Variants in MYPN observed in about 807,000 individuals in gnomAD.
MYPN encodes the protein sarcomeric protein myopalladin, 145 kDa (MYOP).
Under a neutral mutation model 129.4 loss-of-function variants are expected in MYPN, and 63 were observed. The ratio of observed to expected loss-of-function variants is 0.49; its 90% CI spans 0.40 to 0.60. The LOEUF (loss-of-function observed/expected upper bound fraction) is 0.60, where lower values mean the gene tolerates loss of function less well. MYPN is among the 20% of genes least tolerant of loss of function. The pLI, the probability that MYPN is intolerant of heterozygous loss-of-function variation, is 0.00. For missense variants in MYPN, 1,596 were observed against 1,635.4 expected (o/e 0.98, Z 0.42); for synonymous variants, 629 against 600.9 (o/e 1.05, Z -0.68).
rs568879266 is a variant in MYPN, at chr10:68,211,371, G to A, written c.*916G>A. On this transcript the variant is annotated 3_prime_UTR_variant, in exon 20 of 20. Transcript: ENST00000358913. ...CTTTCCCCAAAAGTCTGAAAGTGTAGGAGGAAGGAAGAGATACAAACAAGG... is the reference window on the plus strand; with the variant it reads ...CTTTCCCCAAAAGTCTGAAAGTGTAAGAGGAAGGAAGAGATACAAACAAGG... 4.6e-6 allele frequency: 2 copies of A among 436,930 alleles called. No individual in the cohort carries two copies. Among genetic ancestry groups the A allele is most frequent in the East Asian group, 8.3e-5 (1 of 12,026 alleles). The allele number at this position is 436,930 out of a possible 1,614,324, so 27.1% of individuals were successfully genotyped here. A position where few individuals can be genotyped will look rare whatever the true frequency, so the allele number is the denominator to read the frequency against.
chr10:68,096,908 T>C (rs1368902767), intron 1 of MYPN, among the ~76,000 whole-genome samples: 1 of 152,194 alleles, frequency 6.6e-6, no homozygotes, highest in East Asian at 1.9e-4. Context: ...ACAAGAGATA[T>C]ATCAATACGC....
chr10:68,174,823 T>C (rs2043201990), intron 11 of MYPN, among the ~76,000 whole-genome samples, 167 bp downstream of exon 11: 1 of 152,204 alleles, frequency 6.6e-6, no homozygotes, highest in Non-Finnish European at 1.5e-5. Context: ...GGATGATTAC[T>C]TTGAATGATT....
At chr10:68,200,603 C>T (rs919324816) in intron 17 of MYPN, among the ~76,000 whole-genome samples, 4 of 151,970 alleles carry the variant, frequency 2.6e-5, no homozygotes, top group Non-Finnish European at 2.9e-5. Context: ...ACTACAAATA[C>T]AAAAATTAGC....
In MYPN at chr10:68,109,565, A is replaced by G; in HGVS notation, c.-160A>G. On this transcript the variant is annotated 5_prime_UTR_variant, in exon 1 of 20. Transcript: ENST00000358913. ...GCCATCTTCACTGAAACTAAGGTTAACTCCTCACTCTCTATGGACGGCTAC... is the reference window on the plus strand; with the variant it reads ...GCCATCTTCACTGAAACTAAGGTTAGCTCCTCACTCTCTATGGACGGCTAC... 1 of 453,716 alleles carries G rather than the reference A, an allele frequency of 2.2e-6. No individual in the cohort carries two copies. The allele number at this position is 453,716 out of a possible 1,614,324, so 28.1% of individuals were successfully genotyped here. A position where few individuals can be genotyped will look rare whatever the true frequency, so the allele number is the denominator to read the frequency against.
intron 12 of MYPN, among the ~76,000 whole-genome samples, chr10:68,183,554 C>A (rs1234126883): frequency 6.6e-6 from 1 of 152,194 alleles, no homozygotes; most frequent in Non-Finnish European, 1.5e-5. Context: ...GTGTAGTTAG[C>A]CAAGAACTTA....
At chr10:68,106,287 A>AG (rs2042012472), upstream of MYPN, 1 of 379,920 alleles carries the variant, frequency 2.6e-6, no homozygotes, top group South Asian at 2.0e-5. Flanking sequence ...TTGAACTTTT[A>AG]GTTTTTTTTT....
chr10:68,183,962 C>T (rs1486827642), intron 12 of MYPN, among the ~76,000 whole-genome samples: 4 of 152,112 alleles, frequency 2.6e-5, no homozygotes, highest in Admixed American at 2.0e-4. Context: ...GTTGAGGCTA[C>T]AGTGAGCTGT....
At chr10:68,123,352 C>T (rs1014939730) in intron 2 of MYPN, among the ~76,000 whole-genome samples, 4 of 151,736 alleles carry the variant, frequency 2.6e-5, no homozygotes, top group Admixed American at 2.0e-4. Context: ...GCACTCCAGC[C>T]TGGGCTACAG....
At position 68,163,777 on chromosome 10, in the gene MYPN, A is replaced by G. The variant is rs10997964; in HGVS notation, c.1484-1925A>G. Among the ~76,000 whole-genome samples, 630 of 152,350 alleles carry G rather than the reference A, an allele frequency of 4.1e-3. 7 individuals carry two copies. The highest frequency in any genetic ancestry group is 0.014 in the African/African-American group (601 of 41,584). On this transcript the variant is annotated intron_variant, in intron 8 of 19. Coordinates refer to ENST00000358913, the MANE Select transcript of MYPN (RefSeq NM_032578.4). ...ATGCAAATGGTCAGGATCTAGTGCT[A>G]CGTGACTTTTAGTGACAAAGGAAGT...
chr10:68,123,019 C>T (rs372807648), intron 2 of MYPN, among the ~76,000 whole-genome samples: 1 of 151,716 alleles, frequency 6.6e-6, no homozygotes, highest in Non-Finnish European at 1.5e-5. Context: ...ATTTGAAACT[C>T]GGCGTGAATT....
intron 2 of MYPN, among the ~76,000 whole-genome samples, chr10:68,133,462 A>G (rs1441598960): frequency 6.6e-6 from 1 of 152,114 alleles, no homozygotes. Context: ...TAAATATGCA[A>G]TTGGGTACAG....
intron 2 of MYPN, chr10:68,136,546 C>T: frequency 7.0e-7 from 1 of 1,430,106 alleles, no homozygotes; most frequent in Non-Finnish European, 9.1e-7. Context: ...TGCCTAATTT[C>T]TAAGTGGGTC....
intron 12 of MYPN, among the ~76,000 whole-genome samples, chr10:68,179,008 T>C (rs1374882613): frequency 6.6e-6 from 1 of 152,138 alleles, no homozygotes; most frequent in East Asian, 1.9e-4. Flanking sequence ...TTTTAAACTA[T>C]CTGCAGTTTC....
At chr10:68,173,052 A>T (rs1445219765) in intron 10 of MYPN, among the ~76,000 whole-genome samples, 1 of 152,194 alleles carries the variant, frequency 6.6e-6, no homozygotes, top group Non-Finnish European at 1.5e-5. Context: ...CAGCCTGGGC[A>T]ACAGAGTGAG....
rs888479831 is a variant in MYPN, at chr10:68,210,250, C to G, written c.3794-36C>G. ...GCAGCGTACATGCTGGACTGCATTC[C>G]TTTGATCATAACACATTATTTGGTC... is the stretch of plus-strand genomic sequence containing the variant. On this transcript the variant is annotated intron_variant, in intron 19 of 19. Transcript: ENST00000358913. The G allele has an allele frequency of 3.7e-6, 6 of 1,611,712 alleles. No individual in the cohort carries two copies. In the Admixed American group the frequency reaches 1.0e-4, roughly 27 times the overall value.
chr10:68,106,582 A>G (rs1234964947), upstream of MYPN: 3 of 696,716 alleles, frequency 4.3e-6, no homozygotes, highest in East Asian at 5.4e-5. Flanking sequence ...ATATGTCAAG[A>G]TGAATCTATG....
At chr10:68,138,934 A>T (rs146483340) in intron 2 of MYPN, among the ~76,000 whole-genome samples, 1 of 152,050 alleles carries the variant, frequency 6.6e-6, no homozygotes, top group South Asian at 2.1e-4. Context: ...ATTTTTTTAC[A>T]TGCTTAGTTC....
intron 1 of MYPN, among the ~76,000 whole-genome samples, chr10:68,119,359 T>C (rs1430996940): frequency 1.3e-5 from 2 of 151,882 alleles, no homozygotes; most frequent in Non-Finnish European, 2.9e-5. Flanking sequence ...AGACAAATCT[T>C]TGCCCTCCAA....
At chr10:68,167,704 G>A (rs2134172963) in intron 10 of MYPN, among the ~76,000 whole-genome samples, 1 of 152,288 alleles carries the variant, frequency 6.6e-6, no homozygotes, top group East Asian at 1.9e-4. Context: ...TTCGTGTTTA[G>A]TTTCATATTC....
Sources: allele counts gnomAD v4.1 joint callset (sites outside exome capture counted in the v4.1 genomes callset), GRCh38; gene constraint gnomAD v4.1.1; transcripts MANE v1.5; gene names NCBI Gene and HGNC (gene_info 2026-07-23, HGNC 2026-07-21).